CD5L: variants seen among roughly 807,000 people sequenced by gnomAD.
CD5L encodes CD5 antigen-like.
Under a neutral mutation model 40.8 loss-of-function variants are expected in CD5L, and 39 were observed. The ratio of observed to expected loss-of-function variants is 0.96; its 90% CI spans 0.74 to 1.25. The LOEUF (loss-of-function observed/expected upper bound fraction) is 1.25, where lower values mean the gene tolerates loss of function less well. Among genes scored for constraint, CD5L ranks in the 50% most tolerant of loss-of-function variants. The pLI is 0.00. For synonymous variants in CD5L, 192 were observed against 169.6 expected (o/e 1.13, Z -1.03); for missense variants, 433 against 435.9 (o/e 0.99, Z 0.06).
At chr1:157,840,788 G>A (rs1336753119) in intron 1 of CD5L, among the ~76,000 whole-genome samples, 1 of 152,200 alleles carries the variant, frequency 6.6e-6, no homozygotes, top group Non-Finnish European at 1.5e-5. Context: ...GCAGGTGGAA[G>A]TGCACATGAG....
rs74852990 is a variant in CD5L, at chr1:157,839,843, A to G, written c.29-433T>C. Among the ~76,000 whole-genome samples the G allele has an allele frequency of 9.2e-5, 14 of 152,334 alleles. No individual in the cohort carries two copies. In the East Asian group the frequency reaches 2.7e-3, roughly 29 times the overall value. ...AGAGCAGAAATTAGGGCAAAGGGGCAGGATATGCCTGTGTTCATCGGCACA... is the reference window on the plus strand; with the variant it reads ...AGAGCAGAAATTAGGGCAAAGGGGCGGGATATGCCTGTGTTCATCGGCACA... On this transcript the variant is annotated intron_variant, in intron 1 of 5. Transcript: ENST00000368174.
chr1:157,833,211 A>G lies in CD5L; in HGVS notation c.1020T>C (p.Asp340=), dbSNP rs752856543. The G allele has an allele frequency of 6.2e-6, 10 of 1,613,430 alleles. No homozygotes were observed. Among genetic ancestry groups the G allele is most frequent in the African/African-American group, 1.3e-5 (1 of 74,886 alleles). Residue 340 remains aspartate (D), a synonymous_variant, in exon 5 of 6, where the codon GAT becomes GAC. Coordinates refer to ENST00000368174, the MANE Select transcript of CD5L (RefSeq NM_005894.3). ...ACTCACCTGAGCAGATGACAGCCAC[A>G]TCTTCCTGGTGGGTGCAGTCGTGAA... ...WGFHDCTHQE[D]VAVICSG is the part of the protein sequence containing the mutation.
At chr1:157,828,538 G>T (rs575996474), downstream of CD5L, among the ~76,000 whole-genome samples, 6 of 151,972 alleles carry the variant, frequency 3.9e-5, no homozygotes, top group East Asian at 1.9e-4. Flanking sequence ...TATGAGATTC[G>T]GTAGATAAAT....
intron 4 of CD5L, among the ~76,000 whole-genome samples, 184 bp from the exon 5 acceptor site, chr1:157,833,696 C>T (rs560979712): frequency 4.2e-4 from 63 of 151,516 alleles, no homozygotes; most frequent in South Asian, 2.1e-3. Context: ...GCCTCAACCT[C>T]GAGGGCCCTA....
chr1:157,830,491 A>T (rs1229796719), downstream of CD5L, among the ~76,000 whole-genome samples: 4 of 150,970 alleles, frequency 2.6e-5, no homozygotes, highest in South Asian at 4.2e-4. Flanking sequence ...TCTCCCTCCC[A>T]CTCTCCTCCT....
At chr1:157,833,562 G>GA (rs751505334) in intron 4 of CD5L, 50 bp from the exon 5 acceptor site, 11 of 1,359,692 alleles carry the variant, frequency 8.1e-6, no homozygotes, top group African/African-American at 1.5e-5. Context: ...AGGGAAAGGA[G>GA]AAAAAATAAG....
intron 2 of CD5L, 150 bp downstream of exon 2, chr1:157,839,234 C>T: frequency 1.3e-6 from 1 of 752,964 alleles, no homozygotes; most frequent in East Asian, 2.6e-5. Context: ...GAAATCTGCC[C>T]ACACAAGACT....
Position 157,833,258 on chromosome 1 carries a change from A to C in CD5L, c.973T>G (p.Cys325Gly). Residue 325 changes from cysteine to glycine, a missense_variant, in exon 5 of 6, where the codon TGC (cysteine) becomes GGC (glycine). Cys to Gly is a radical substitution (Grantham distance 159). Coordinates refer to ENST00000368174, the MANE Select transcript of CD5L (RefSeq NM_005894.3). ...TGAAACCCCCAAAATCTGTGCTGGC[A>C]CTGCTCCAGGGACTGCTCCTCCCCT... is the stretch of plus-strand genomic sequence containing the variant. The part of the protein sequence containing the change: ...CSGEEQSLEQ[C>G]QHRFWGFHDC... 1 of 1,614,162 alleles carries C rather than the reference A, an allele frequency of 6.2e-7. No individual in the cohort carries two copies. The highest frequency in any genetic ancestry group is 1.1e-5 in the South Asian group (1 of 91,088).
Position 157,833,525 on chromosome 1 carries a change from G to C in CD5L, c.719-13C>G, listed in dbSNP as rs774909703. ...AAGTCAAAGGGATCTGCAGGATGGG[G>C]GAGGAAGTCAGGGGTTGGAGACAGG... On this transcript the variant is annotated splice_polypyrimidine_tract_variant and intron_variant, in intron 4 of 5. Transcript: ENST00000368174. 1.2e-5 allele frequency: 19 copies of C among 1,590,702 alleles called. No homozygotes were observed. The highest frequency in any genetic ancestry group is 1.1e-5 in the Non-Finnish European group (13 of 1,163,428).
chr1:157,830,491 A>G (rs1229796719), downstream of CD5L, among the ~76,000 whole-genome samples: 1 of 150,970 alleles, frequency 6.6e-6, no homozygotes, highest in Non-Finnish European at 1.5e-5. Context: ...TCTCCCTCCC[A>G]CTCTCCTCCT....
At chr1:157,833,593 T>C (rs771158295) in intron 4 of CD5L, 81 bp from the exon 5 acceptor site, 24 of 1,171,082 alleles carry the variant, frequency 2.0e-5, no homozygotes, top group Admixed American at 1.4e-4. Context: ...TTTAAAATTT[T>C]TTCATTTTGT....
chr1:157,837,117 C>A (rs1440273143), intron 2 of CD5L, among the ~76,000 whole-genome samples: 6 of 151,930 alleles, frequency 3.9e-5, no homozygotes, highest in Non-Finnish European at 5.9e-5. Flanking sequence ...TAAATGAATA[C>A]AAATATTAGC....
chr1:157,829,270 G>T (rs144628712), downstream of CD5L, among the ~76,000 whole-genome samples: 9 of 152,312 alleles, frequency 5.9e-5, no homozygotes, highest in African/African-American at 2.2e-4. Flanking sequence ...CTTTGGCAGG[G>T]TTATAACCTG....
chr1:157,834,520 C>CA lies in CD5L; in HGVS notation c.604dup (p.Trp202LeufsTer30). 1 of 1,614,214 alleles carries CA rather than the reference C, an allele frequency of 6.2e-7. No individual in the cohort carries two copies. Among genetic ancestry groups the CA allele is most frequent in the South Asian group, 1.1e-5 (1 of 91,082 alleles). On this transcript the variant is annotated frameshift_variant, in exon 4 of 6. Coordinates refer to ENST00000368174, the MANE Select transcript of CD5L (RefSeq NM_005894.3). LOFTEE classifies it high-confidence loss of function. ...TCCTGAGCATGACATCTGGCTCAGC[C>CA]AGATGGGTTTTCGGCCATAGGCATG...
At chr1:157,837,217 T>C (rs1304595402) in intron 2 of CD5L, among the ~76,000 whole-genome samples, 1 of 151,942 alleles carries the variant, frequency 6.6e-6, no homozygotes, top group Non-Finnish European at 1.5e-5. Flanking sequence ...CAAGACTCCA[T>C]CTCAAAAAAA....
chr1:157,830,188 T>C (rs1656010175), downstream of CD5L, among the ~76,000 whole-genome samples: 1 of 152,202 alleles, frequency 6.6e-6, no homozygotes, highest in African/African-American at 2.4e-5. Context: ...GCAATTTGTC[T>C]CACATTTCAT....
At chr1:157,834,829 C>CA in intron 3 of CD5L, 81 bp from the exon 4 acceptor site, 1 of 1,095,558 alleles carries the variant, frequency 9.1e-7, no homozygotes, top group East Asian at 2.4e-5. Context: ...GGACACATCT[C>CA]ACAGTTCTTG....
downstream of CD5L, among the ~76,000 whole-genome samples, chr1:157,827,093 T>C (rs6680320): frequency 5.4e-3 from 818 of 152,336 alleles, 6 homozygotes; most frequent in African/African-American, 0.019. Flanking sequence ...GCTATCTTTA[T>C]TATTGTAAAT....
chr1:157,830,652 T>G (rs1027686645), downstream of CD5L, among the ~76,000 whole-genome samples: 1 of 152,212 alleles, frequency 6.6e-6, no homozygotes, highest in African/African-American at 2.4e-5. Flanking sequence ...AAATGTCAGA[T>G]TAGAAAGGCA....
Sources: gnomAD v4.1 joint callset for allele counts (sites outside exome capture counted in the v4.1 genomes callset) on GRCh38, gnomAD v4.1.1 for gene constraint, MANE v1.5 for transcripts, NCBI Gene and HGNC (gene_info 2026-07-23, HGNC 2026-07-21) for gene names.